CUL5: variants seen among roughly 807,000 people sequenced by gnomAD.
CUL5 encodes cullin 5.
In CUL5, 26 loss-of-function variants were observed where a neutral mutation model predicts 108.8. The ratio of observed to expected loss-of-function variants is 0.24; its 90% CI spans 0.18 to 0.33. CUL5 has a LOEUF of 0.33. Among genes scored for constraint, CUL5 ranks in the 10% least tolerant of loss-of-function variants. CUL5 has a pLI of 1.00. For missense variants in CUL5, 524 were observed against 909.2 expected, an observed-to-expected ratio of 0.58 and a Z score of 5.45; for synonymous variants, 334 against 298.0, an observed-to-expected ratio of 1.12 and a Z score of -1.25.
Position 108,104,369 on chromosome 11 carries a change from C to T in CUL5, c.2328C>T (p.Phe776=). 1.3e-6 allele frequency: 2 copies of T among 1,550,108 alleles called. No homozygotes were observed. The highest frequency in any genetic ancestry group is 2.4e-5 in the East Asian group (1 of 42,358). ...GAGATGAATCTGATATCAACACTTT[C>T]ATATATATGGCATAATTTTGAATAT... is the stretch of plus-strand genomic sequence containing the variant. ...IRRDESDINT[F]IYMA The change falls in exon 19 of 19, where the codon TTC becomes TTT. Residue 776 remains phenylalanine (F), a synonymous_variant. Transcript: ENST00000393094.
chr11:108,053,689 T>A (rs1863298228), intron 5 of CUL5, among the ~76,000 whole-genome samples: 1 of 151,734 alleles, frequency 6.6e-6, no homozygotes. Flanking sequence ...TTTTTTTTTT[T>A]TTTTTTAAGA....
chr11:108,081,462 T>C (rs867880828), intron 11 of CUL5, among the ~76,000 whole-genome samples: 14 of 150,352 alleles, frequency 9.3e-5, no homozygotes, highest in African/African-American at 3.4e-4. Flanking sequence ...TTATCAAAAA[T>C]CGGTTGGCTG....
At chr11:108,023,260 A>C (rs1051445816) in intron 1 of CUL5, among the ~76,000 whole-genome samples, 5 of 152,188 alleles carry the variant, frequency 3.3e-5, no homozygotes, top group Non-Finnish European at 7.4e-5. Flanking sequence ...AAACAAAACA[A>C]ACAAAAAAAA....
chr11:108,094,808 A>G lies in CUL5; in HGVS notation c.1568-4A>G, dbSNP rs372544224. 7.6e-6 allele frequency: 12 copies of G among 1,584,522 alleles called. No individual in the cohort carries two copies. In the African/African-American group the frequency reaches 1.1e-4, roughly 14 times the overall value. On this transcript the variant is annotated splice_polypyrimidine_tract_variant and splice_region_variant and intron_variant, in intron 14 of 18. Coordinates refer to ENST00000393094, the MANE Select transcript of CUL5 (RefSeq NM_003478.6). ...CTTTATATTCCTGATATTCTTCTCT[A>G]TAGCTGATTCAGTTAATATAAAAAT...
At position 108,107,651 on chromosome 11, in the gene CUL5, C is replaced by A. The variant is rs1374222258; in HGVS notation, c.*3267C>A. The A allele has an allele frequency of 6.6e-6, 1 of 152,588 alleles. No individual in the cohort carries two copies. The highest frequency in any genetic ancestry group is 6.6e-5 in the Admixed American group (1 of 15,266). 9.5% of individuals were successfully genotyped at this position (152,588 alleles called of 1,614,324 possible). A position where few individuals can be genotyped will look rare whatever the true frequency, so the allele number is the denominator to read the frequency against. ...AATGCTGTACAATTTTAAGTGGTAGCAGTTTCTGTATGCAGTAGGCTGAAA... is the reference window on the plus strand; with the variant it reads ...AATGCTGTACAATTTTAAGTGGTAGAAGTTTCTGTATGCAGTAGGCTGAAA... On this transcript the variant is annotated 3_prime_UTR_variant, in exon 19 of 19. Coordinates refer to ENST00000393094, the MANE Select transcript of CUL5 (RefSeq NM_003478.6).
Position 108,104,429 on chromosome 11 carries a change from C to A in CUL5, c.*45C>A. The stretch of plus-strand genomic sequence containing the variant: ...TATTTAGAACCCAAATTTTGGAGTG[C>A]TTGGGCAGAAAGTTGTAAAGTTTGT... On this transcript the variant is annotated 3_prime_UTR_variant, in exon 19 of 19. Coordinates refer to ENST00000393094, the MANE Select transcript of CUL5 (RefSeq NM_003478.6). The A allele has an allele frequency of 7.9e-7, 1 of 1,259,936 alleles. No homozygotes were observed. Among genetic ancestry groups the A allele is most frequent in the Non-Finnish European group, 1.1e-6 (1 of 927,862 alleles). 78.0% of individuals were successfully genotyped at this position (1,259,936 alleles called of 1,614,324 possible). A position where few individuals can be genotyped will look rare whatever the true frequency, so the allele number is the denominator to read the frequency against.
chr11:108,017,653 C>G (rs1862234276), intron 1 of CUL5, among the ~76,000 whole-genome samples: 1 of 152,128 alleles, frequency 6.6e-6, no homozygotes, highest in African/African-American at 2.4e-5. Flanking sequence ...AGTTCAAGAC[C>G]AGTCTGGGCA....
Position 108,081,253 on chromosome 11 carries a change from A to G in CUL5, c.1178+3013A>G, listed in dbSNP as rs918894129. ...CAGTGAGCCGAGATCGTGCCATTAC[A>G]CTCCAGCCTGGGTGACAGAGTGAGA... On this transcript the variant is annotated intron_variant, in intron 11 of 18. Transcript: ENST00000393094. Among the ~76,000 whole-genome samples the G allele has an allele frequency of 7.2e-5, 11 of 152,090 alleles. No individual in the cohort carries two copies. In the South Asian group the frequency reaches 2.1e-3, roughly 29 times the overall value.
intron 1 of CUL5, among the ~76,000 whole-genome samples, chr11:108,031,188 C>T (rs1248633368): frequency 3.3e-5 from 5 of 151,708 alleles, no homozygotes; most frequent in Admixed American, 6.6e-5. Context: ...GGCAACATGG[C>T]GAAACCCCGT....
chr11:108,054,715 G>A lies in CUL5; in HGVS notation c.622G>A (p.Asp208Asn). 1 of 1,610,058 alleles carries A rather than the reference G, an allele frequency of 6.2e-7. No individual in the cohort carries two copies. The highest frequency in any genetic ancestry group is 8.5e-7 in the Non-Finnish European group (1 of 1,176,824). ...YRDNFEKAYL[D>N]STERFYRTQA... ...GGACAATTTTGAGAAGGCATACTTG[G>A]ATTCAACAGAGAGATTTTATAGAAC... is the stretch of plus-strand genomic sequence containing the variant. Residue 208 changes from aspartate (D) to asparagine (N), a missense_variant, in exon 6 of 19, where the codon GAT (aspartate) becomes AAT (asparagine). This residue lies in a region of CUL5 where 170 missense variants were observed against 305.1 expected (regional missense o/e 0.56). Coordinates refer to ENST00000393094, the MANE Select transcript of CUL5 (RefSeq NM_003478.6).
chr11:108,052,488 A>G (rs1190682193), intron 4 of CUL5, among the ~76,000 whole-genome samples, 172 bp from the exon 5 acceptor site: 1 of 151,904 alleles, frequency 6.6e-6, no homozygotes, highest in East Asian at 1.9e-4. Flanking sequence ...TCTTGAACTC[A>G]TAGACTCCAG....
At position 108,066,490 on chromosome 11, in the gene CUL5, C is replaced by G. The variant is rs529046360; in HGVS notation, c.781-3606C>G. On this transcript the variant is annotated intron_variant, in intron 7 of 18. Transcript: ENST00000393094. The stretch of plus-strand genomic sequence containing the variant: ...AATATTTTTTTATTCATACAACTCA[C>G]TCTGTTACTTTTTTTTTTGGATTCA... 6.9e-4 allele frequency among the ~76,000 whole-genome samples: 105 copies of G among 152,294 alleles called. 1 individual carries two copies. The highest frequency in any genetic ancestry group is 2.5e-3 in the African/African-American group (103 of 41,570).
intron 10 of CUL5, among the ~76,000 whole-genome samples, chr11:108,075,050 T>C (rs1300529463): frequency 6.6e-6 from 1 of 152,076 alleles, no homozygotes; most frequent in Non-Finnish European, 1.5e-5. Context: ...ATTAACAGGA[T>C]CATTCTGGCT....
intron 3 of CUL5, among the ~76,000 whole-genome samples, chr11:108,046,864 T>G (rs1863081618): frequency 6.6e-6 from 1 of 152,222 alleles, no homozygotes; most frequent in Non-Finnish European, 1.5e-5. Flanking sequence ...AAAAGCTCAT[T>G]TAGGCATTAG....
At chr11:108,031,475 G>T (rs1862582706) in intron 1 of CUL5, among the ~76,000 whole-genome samples, 1 of 152,026 alleles carries the variant, frequency 6.6e-6, no homozygotes, top group African/African-American at 2.4e-5. Context: ...TTTGCATATG[G>T]TATAAGAAAG....
chr11:108,093,747 G>T (rs1006377531), intron 13 of CUL5, among the ~76,000 whole-genome samples: 4 of 152,130 alleles, frequency 2.6e-5, no homozygotes, highest in Non-Finnish European at 5.9e-5. Context: ...ATCTTCTGTT[G>T]CCCAGGCTGG....
chr11:108,012,127 TAC>T (rs1862071250), intron 1 of CUL5, among the ~76,000 whole-genome samples: 1 of 152,218 alleles, frequency 6.6e-6, no homozygotes, highest in African/African-American at 2.4e-5. Context: ...TGTTTTTCCT[TAC>T]AGAGTGAGTC....
chr11:108,068,301 G>GA (rs1432518527), intron 7 of CUL5, among the ~76,000 whole-genome samples: 1 of 151,882 alleles, frequency 6.6e-6, no homozygotes, highest in East Asian at 1.9e-4. Flanking sequence ...AGAGGAGCCT[G>GA]AAAAAACCTT....
At chr11:108,098,356 T>C (rs754089587) in intron 17 of CUL5, 50 bp from the exon 18 acceptor site, 1 of 1,522,856 alleles carries the variant, frequency 6.6e-7, no homozygotes, top group Non-Finnish European at 8.9e-7. Context: ...TATAATAGGA[T>C]TTTTAAAGTG....
Sources: gnomAD v4.1 joint callset for allele counts (sites outside exome capture counted in the v4.1 genomes callset) on GRCh38, gnomAD v4.1.1 for gene constraint, gnomAD v4.1.1 regional missense constraint, MANE v1.5 for transcripts, NCBI Gene and HGNC (gene_info 2026-07-23, HGNC 2026-07-21) for gene names.